The following XKR6 variants were observed in gnomAD, a reference collection of about 807,000 sequenced individuals.
XKR6 encodes the protein XK-related protein 6.
In XKR6, 22 loss-of-function variants were observed where a neutral mutation model predicts 56.7. The observed-to-expected ratio is 0.39, with a 90% CI of 0.28 to 0.55. The LOEUF (loss-of-function observed/expected upper bound fraction) is 0.55. Ranked by LOEUF, XKR6 falls within the 20% of genes least tolerant of loss-of-function variation. XKR6 has a pLI of 0.66. For missense variants in XKR6, 852 were observed against 889.0 expected (o/e 0.96, Z 0.53); for synonymous variants, 524 against 387.8 (o/e 1.35, Z -4.13).
chr8:11,124,879 T>G (rs947417985), intron 1 of XKR6: 1 of 150,350 alleles, frequency 6.7e-6, no homozygotes, highest in Non-Finnish European at 1.5e-5. Context: ...GCTCAGGAGA[T>G]TGAGACCATC....
chr8:10,912,684 A>AGT (rs1197416058), intron 2 of XKR6, among the ~76,000 whole-genome samples: 1 of 122,470 alleles, frequency 8.2e-6, no homozygotes, highest in Non-Finnish European at 1.7e-5. Flanking sequence ...AGAGAGGGTG[A>AGT]GTGTATATAT....
intron 1 of XKR6, chr8:11,106,498 T>G (rs1798681359): frequency 6.6e-6 from 1 of 152,266 alleles, no homozygotes; most frequent in Admixed American, 6.5e-5. Flanking sequence ...GGGCCTGGCA[T>G]GAAGCAGATG....
chr8:10,965,577 G>C (rs1049386443), intron 1 of XKR6, among the ~76,000 whole-genome samples: 1 of 152,168 alleles, frequency 6.6e-6, no homozygotes, highest in African/African-American at 2.4e-5. Context: ...CCTGTGGGAC[G>C]GGCTCCCGAT....
At chr8:10,961,412 C>G (rs1802056481) in intron 1 of XKR6, among the ~76,000 whole-genome samples, 2 of 152,300 alleles carry the variant, frequency 1.3e-5, no homozygotes, top group South Asian at 4.1e-4. Flanking sequence ...TTGGGCAGAG[C>G]TTGGGCCTGG....
intron 1 of XKR6, among the ~76,000 whole-genome samples, chr8:11,042,910 T>C (rs1799320639): frequency 6.6e-6 from 1 of 152,160 alleles, no homozygotes; most frequent in Non-Finnish European, 1.5e-5. Flanking sequence ...CCTGCACTCC[T>C]CTTCCTGCCA....
At chr8:11,187,294 A>G (rs966295867) in intron 1 of XKR6, among the ~76,000 whole-genome samples, 39 of 152,246 alleles carry the variant, frequency 2.6e-4, no homozygotes, top group African/African-American at 8.0e-4. Context: ...AGGGCCAACA[A>G]AGCATAAGAA....
chr8:10,906,631 T>C (rs1800196960), intron 2 of XKR6, among the ~76,000 whole-genome samples: 1 of 152,254 alleles, frequency 6.6e-6, no homozygotes, highest in African/African-American at 2.4e-5. Flanking sequence ...AGCACTGACA[T>C]ACTCATTTTC....
chr8:10,965,882 A>G (rs1470442419), intron 1 of XKR6, among the ~76,000 whole-genome samples: 2 of 152,202 alleles, frequency 1.3e-5, no homozygotes. Context: ...CACACCCAGC[A>G]GGTGTGGGCC....
At chr8:11,197,478 C>A (rs1218643778) in intron 1 of XKR6, among the ~76,000 whole-genome samples, 1 of 152,220 alleles carries the variant, frequency 6.6e-6, no homozygotes, top group African/African-American at 2.4e-5. Flanking sequence ...CTATTAACAA[C>A]ACATTGTACA....
At chr8:11,118,741 G>C (rs1290400438) in intron 1 of XKR6, among the ~76,000 whole-genome samples, 6 of 152,056 alleles carry the variant, frequency 3.9e-5, no homozygotes, top group Admixed American at 1.3e-4. Context: ...CAATTTGGCT[G>C]ATCTTTTCAA....
At chr8:10,985,495 T>A (rs1248526470) in intron 1 of XKR6, among the ~76,000 whole-genome samples, 1 of 151,702 alleles carries the variant, frequency 6.6e-6, no homozygotes, top group Admixed American at 6.6e-5. Flanking sequence ...TAAAGCTTGT[T>A]CCCTTAACCG....
chr8:10,972,801 C>G (rs1802446043), intron 1 of XKR6, among the ~76,000 whole-genome samples: 1 of 152,186 alleles, frequency 6.6e-6, no homozygotes, highest in African/African-American at 2.4e-5. Context: ...GATGATTACA[C>G]AACAGTGTAG....
In XKR6 at chr8:10,907,330, T is replaced by C. The variant is rs75135952; in HGVS notation, c.962-8414A>G. 2.0e-5 allele frequency among the ~76,000 whole-genome samples: 3 copies of C among 152,358 alleles called. No homozygotes were observed. In the East Asian group the frequency reaches 5.8e-4, roughly 29 times the overall value. On this transcript the variant is annotated intron_variant, in intron 2 of 2. Transcript: ENST00000416569. ...ATATCAGGTCTTACCATGGTTTCTA[T>C]GAAAGATCTCTTTTTTTTGCCTCTG...
chr8:10,900,872 T>TTTTTTTTTTTTTG (rs57246698), intron 2 of XKR6, among the ~76,000 whole-genome samples: 1 of 149,558 alleles, frequency 6.7e-6, no homozygotes, highest in Admixed American at 6.7e-5. Flanking sequence ...TTTTTTTTTT[T>TTTTTTTTTTTTTG]GAGACAGGGT....
At chr8:10,945,513 A>G (rs569464285) in intron 1 of XKR6, among the ~76,000 whole-genome samples, 20 of 152,108 alleles carry the variant, frequency 1.3e-4, no homozygotes, top group Non-Finnish European at 2.8e-4. Context: ...GAAAAGACCA[A>G]AATGCCTTGG....
chr8:11,003,286 T>C (rs1472382883), intron 1 of XKR6, among the ~76,000 whole-genome samples: 2 of 152,096 alleles, frequency 1.3e-5, no homozygotes, highest in African/African-American at 4.8e-5. Context: ...ACCATCATCA[T>C]CACCACCACC....
chr8:10,954,838 A>G (rs1466224444), intron 1 of XKR6, among the ~76,000 whole-genome samples: 1 of 120,750 alleles, frequency 8.3e-6, no homozygotes. Context: ...TTTTTGTATG[A>G]TGTAAGGTAA....
intron 1 of XKR6, among the ~76,000 whole-genome samples, chr8:11,070,890 AACCCACCAG>A (rs1378464741): frequency 6.6e-6 from 1 of 152,194 alleles, no homozygotes; most frequent in East Asian, 1.9e-4. Context: ...CCTCCTGCTG[AACCCACCAG>A]ACCAAGAGTA....
At chr8:11,100,817 A>G (rs1798444118) in intron 1 of XKR6, among the ~76,000 whole-genome samples, 2 of 152,222 alleles carry the variant, frequency 1.3e-5, no homozygotes, top group Non-Finnish European at 2.9e-5. Context: ...TGTCCCAATC[A>G]TTTTATGCTA....
Sources: allele counts gnomAD v4.1 joint callset (sites outside exome capture counted in the v4.1 genomes callset), GRCh38; gene constraint gnomAD v4.1.1; transcripts MANE v1.5; gene names NCBI Gene and HGNC (gene_info 2026-07-23, HGNC 2026-07-21).